The following PTPRK variants were observed in gnomAD, a reference collection of about 807,000 sequenced individuals.
PTPRK encodes the protein protein tyrosine phosphatase receptor type K, also known as receptor-type tyrosine-protein phosphatase kappa.
Under a neutral mutation model 178.0 loss-of-function variants are expected in PTPRK, and 75 were observed. The observed-to-expected ratio is 0.42, with a 90% CI of 0.35 to 0.51. The LOEUF is 0.51. PTPRK is among the 20% of genes least tolerant of loss of function. The pLI is 0.02. For synonymous variants in PTPRK, 637 were observed against 620.6 expected (o/e 1.03, Z -0.39); for missense variants, 1,441 against 1,797.8 (o/e 0.80, Z 3.59).
intron 7 of PTPRK, among the ~76,000 whole-genome samples, chr6:128,167,257 G>T (rs1004466461): frequency 6.6e-6 from 1 of 151,756 alleles, no homozygotes; most frequent in Non-Finnish European, 1.5e-5. Context: ...CATTAACACA[G>T]CGTTTGCTGG....
intron 1 of PTPRK, among the ~76,000 whole-genome samples, chr6:128,488,192 T>C (rs1467737147): frequency 6.6e-6 from 1 of 152,194 alleles, no homozygotes; most frequent in African/African-American, 2.4e-5. Context: ...TGGAGTCTGA[T>C]GTTCAAGGGC....
intron 13 of PTPRK, among the ~76,000 whole-genome samples, chr6:128,023,988 C>G (rs575458991): frequency 6.6e-6 from 1 of 152,136 alleles, no homozygotes; most frequent in Non-Finnish European, 1.5e-5. Flanking sequence ...ATTTTAAACT[C>G]AAATAGAGAC....
At chr6:128,142,500 C>CGT (rs1795912962) in intron 7 of PTPRK, among the ~76,000 whole-genome samples, 1 of 151,406 alleles carries the variant, frequency 6.6e-6, no homozygotes, top group East Asian at 1.9e-4. Context: ...CAAATTCTCC[C>CGT]ATGTGTGTGT....
intron 2 of PTPRK, among the ~76,000 whole-genome samples, chr6:128,374,207 T>C (rs1836695304): frequency 6.6e-6 from 1 of 152,160 alleles, no homozygotes; most frequent in Non-Finnish European, 1.5e-5. Context: ...TAGTTTCCTT[T>C]GTACATTTCT....
At chr6:128,200,902 A>AGGGG (rs1562779219) in intron 6 of PTPRK, among the ~76,000 whole-genome samples, 1 of 34,522 alleles carries the variant, frequency 2.9e-5, no homozygotes, top group Admixed American at 4.6e-4. Context: ...GGAGGGAGGG[A>AGGGG]GGGAGGGAGG....
chr6:128,395,525 A>C (rs760850779), intron 2 of PTPRK, among the ~76,000 whole-genome samples: 28 of 152,156 alleles, frequency 1.8e-4, no homozygotes, highest in Non-Finnish European at 8.8e-5. Context: ...CATCTTTCTT[A>C]TTATTCTATG....
intron 5 of PTPRK, among the ~76,000 whole-genome samples, chr6:128,225,139 C>T (rs1349267374): frequency 1.3e-5 from 2 of 152,102 alleles, no homozygotes; most frequent in Non-Finnish European, 2.9e-5. Flanking sequence ...GCTGCACTGA[C>T]AATACATGTC....
At chr6:128,397,709 T>C in intron 1 of PTPRK, 21 bp from the exon 2 acceptor site, 1 of 1,610,540 alleles carries the variant, frequency 6.2e-7, no homozygotes, top group Non-Finnish European at 8.5e-7. Context: ...AGAAGACTAC[T>C]GTTACATTCT....
intron 7 of PTPRK, among the ~76,000 whole-genome samples, chr6:128,133,894 G>T (rs1471367355): frequency 6.6e-6 from 1 of 151,740 alleles, no homozygotes; most frequent in African/African-American, 2.4e-5. Flanking sequence ...TGATGTTGTG[G>T]GCCCTCACAT....
intron 2 of PTPRK, among the ~76,000 whole-genome samples, chr6:128,342,576 G>T (rs1329208308): frequency 6.7e-6 from 1 of 150,022 alleles, no homozygotes; most frequent in Non-Finnish European, 1.5e-5. Flanking sequence ...AAAAAAAAAG[G>T]CTCATTATGT....
At chr6:128,242,373 A>C in intron 4 of PTPRK, 148 bp downstream of exon 4, 2 of 1,003,394 alleles carry the variant, frequency 2.0e-6, no homozygotes, top group Non-Finnish European at 2.7e-6. Context: ...GAAAGATATC[A>C]GTTTCCTTTT....
At chr6:128,345,728 A>T (rs1832342184) in intron 2 of PTPRK, among the ~76,000 whole-genome samples, 1 of 152,232 alleles carries the variant, frequency 6.6e-6, no homozygotes, top group Admixed American at 6.5e-5. Context: ...GCTAATCACC[A>T]TACAAGGAGA....
Position 128,219,044 on chromosome 6 carries a change from C to T in PTPRK, c.746G>A (p.Arg249Lys), listed in dbSNP as rs774523572. Residue 249 changes from arginine (R) to lysine (K), a missense_variant, in exon 6 of 30, where the codon AGA (arginine) becomes AAA (lysine). Arg to Lys is a conservative substitution (Grantham distance 26). Transcript: ENST00000368226. ...PVAQTKNINH[R>K]RFAASFRLQE... is the part of the protein sequence containing the mutation. ...CAATCTGAAGGAAGCGGCAAACCTT[C>T]TATGATTGATGTTCTTAGTCTGGGC... 1.2e-5 allele frequency: 19 copies of T among 1,613,886 alleles called. 1 individual carries two copies. The Middle Eastern group carries it at 6.6e-4, about 56-fold the overall frequency.
intron 13 of PTPRK, among the ~76,000 whole-genome samples, chr6:128,019,508 A>AG (rs1389042295): frequency 6.6e-6 from 1 of 150,506 alleles, no homozygotes; most frequent in Non-Finnish European, 1.5e-5. Flanking sequence ...GGAATCTGGG[A>AG]GGGTTCTGAG....
chr6:128,360,024 C>A (rs986429892), intron 2 of PTPRK, among the ~76,000 whole-genome samples: 2 of 152,082 alleles, frequency 1.3e-5, no homozygotes, highest in Non-Finnish European at 2.9e-5. Flanking sequence ...CAATAAATAT[C>A]TATTTCAAAA....
At chr6:128,010,234 C>T (rs1435670514) in intron 13 of PTPRK, among the ~76,000 whole-genome samples, 1 of 151,270 alleles carries the variant, frequency 6.6e-6, no homozygotes, top group African/African-American at 2.4e-5. Flanking sequence ...ATGGCTCCTA[C>T]TGCTAAAAAT....
intron 1 of PTPRK, among the ~76,000 whole-genome samples, chr6:128,505,257 C>A (rs977742152): frequency 3.3e-5 from 5 of 150,456 alleles, no homozygotes; most frequent in Admixed American, 3.3e-4. Context: ...GCCTGACCAA[C>A]AGGAAGAAAC....
At chr6:128,062,620 T>G (rs1040499602) in intron 13 of PTPRK, 27 of 166,950 alleles carry the variant, frequency 1.6e-4, no homozygotes, top group Non-Finnish European at 2.6e-4. Flanking sequence ...AGCATAATGA[T>G]AAGATAGTTA....
Position 128,254,759 on chromosome 6 carries a change from G to A in PTPRK, c.496-12157C>T, listed in dbSNP as rs114748200. ...TTAGTCAAAAAAAAAAGAAGGAAAC[G>A]ACATCCTTTTCATATCACAAACTTT... On this transcript the variant is annotated intron_variant, in intron 3 of 29. Transcript: ENST00000368226. 2.5e-3 allele frequency among the ~76,000 whole-genome samples: 382 copies of A among 151,952 alleles called. 3 individuals carry two copies. Among genetic ancestry groups the A allele is most frequent in the African/African-American group, 8.4e-3 (347 of 41,444 alleles).
Sources: gnomAD v4.1 joint callset for allele counts (sites outside exome capture counted in the v4.1 genomes callset) on GRCh38, gnomAD v4.1.1 for gene constraint, MANE v1.5 for transcripts, NCBI Gene and HGNC (gene_info 2026-07-23, HGNC 2026-07-21) for gene names.